The following TAFA2 variants were observed in gnomAD, a reference collection of about 807,000 sequenced individuals.
The protein encoded by TAFA2 is chemokine-like protein TAFA-2.
In TAFA2, 7 loss-of-function variants were observed where a neutral mutation model predicts 18.8. The observed-to-expected ratio is 0.37, with a 90% CI of 0.21 to 0.70. TAFA2 has a LOEUF of 0.70. Among genes scored for constraint, TAFA2 ranks in the 30% least tolerant of loss-of-function variants. The pLI is 0.53. For synonymous variants in TAFA2, 60 were observed against 54.2 expected, an observed-to-expected ratio of 1.11 and a Z score of -0.47; for missense variants, 122 against 158.1, an observed-to-expected ratio of 0.77 and a Z score of 1.23.
intron 1 of TAFA2, among the ~76,000 whole-genome samples, chr12:62,014,905 A>G (rs1486121791): frequency 6.6e-6 from 1 of 151,840 alleles, no homozygotes; most frequent in African/African-American, 2.4e-5. Context: ...GCAACCTCCA[A>G]AAAAAAAGCC....
intron 1 of TAFA2, among the ~76,000 whole-genome samples, chr12:61,935,870 C>T (rs78561523): frequency 0.015 from 2,239 of 151,778 alleles, 40 homozygotes; most frequent in Non-Finnish European, 0.019. Context: ...AAAAAACTTA[C>T]CAAACAAAAA....
chr12:62,080,744 A>C (rs11174298), intron 1 of TAFA2, among the ~76,000 whole-genome samples: 16,182 of 152,216 alleles, frequency 0.11, 1,125 homozygotes, highest in South Asian at 0.23. Context: ...GTCATAAATA[A>C]AATATTTATA....
chr12:62,153,965 T>G (rs2062349967), intron 1 of TAFA2, among the ~76,000 whole-genome samples: 1 of 151,876 alleles, frequency 6.6e-6, no homozygotes, highest in Admixed American at 6.6e-5. Flanking sequence ...TGTTATGTTA[T>G]GTTATGTTAT....
At chr12:61,807,600 C>T (rs187244924) in intron 2 of TAFA2, among the ~76,000 whole-genome samples, 1 of 151,438 alleles carries the variant, frequency 6.6e-6, no homozygotes, top group African/African-American at 2.5e-5. Flanking sequence ...GCACTGTGCA[C>T]CTGGAAAAGT....
intron 1 of TAFA2, among the ~76,000 whole-genome samples, chr12:62,221,220 A>AGGAAGGAAGGAAGGAAGGGG (rs2062760377): frequency 1.1e-5 from 1 of 92,130 alleles, no homozygotes; most frequent in Non-Finnish European, 2.3e-5. Flanking sequence ...GAAGGGGGGA[A>AGGAAGGAAGGAAGGAAGGGG]GGAAGGAAGG....
At chr12:62,127,387 A>G (rs1870507399) in intron 1 of TAFA2, among the ~76,000 whole-genome samples, 3 of 151,980 alleles carry the variant, frequency 2.0e-5, no homozygotes, top group South Asian at 4.1e-4. Context: ...TTTTGTAGAA[A>G]TTGGACTTAC....
At chr12:61,944,242 T>C (rs1878166790) in intron 1 of TAFA2, among the ~76,000 whole-genome samples, 1 of 150,328 alleles carries the variant, frequency 6.7e-6, no homozygotes, top group Non-Finnish European at 1.5e-5. Context: ...AATAAAGATG[T>C]TCTTTGAAAC....
chr12:61,712,311 T>A (rs1869448598), intron 4 of TAFA2, among the ~76,000 whole-genome samples: 1 of 152,154 alleles, frequency 6.6e-6, no homozygotes, highest in Non-Finnish European at 1.5e-5. Flanking sequence ...TCAAGCTAAA[T>A]ATTTGACTCT....
chr12:61,785,710 A>C (rs1870709537), intron 2 of TAFA2, among the ~76,000 whole-genome samples: 1 of 151,504 alleles, frequency 6.6e-6, no homozygotes, highest in Non-Finnish European at 1.5e-5. Flanking sequence ...CTACATGTTG[A>C]ATCTGAGACA....
intron 1 of TAFA2, among the ~76,000 whole-genome samples, chr12:62,123,781 TACAC>T (rs71083977): frequency 3.1e-4 from 41 of 132,924 alleles, no homozygotes; most frequent in South Asian, 2.1e-3. Flanking sequence ...ACCACACACA[TACAC>T]ACACACACAC....
chr12:61,738,192 C>G (rs184158011), intron 4 of TAFA2, among the ~76,000 whole-genome samples: 147 of 151,718 alleles, frequency 9.7e-4, no homozygotes, highest in Non-Finnish European at 1.8e-3. Context: ...ACTCAGCATT[C>G]AATAAACAAG....
chr12:62,035,733 CTTTTTTTTTT>C (rs34859628), intron 1 of TAFA2, among the ~76,000 whole-genome samples: 3 of 60,234 alleles, frequency 5.0e-5, no homozygotes, highest in African/African-American at 1.5e-4. Flanking sequence ...ATGATTCTTT[CTTTTTTTTTT>C]TTTTTTTTTT....
intron 1 of TAFA2, among the ~76,000 whole-genome samples, chr12:62,232,918 A>AATC (rs2062818176): frequency 1.3e-5 from 2 of 151,856 alleles, no homozygotes; most frequent in African/African-American, 4.8e-5. Context: ...TTTCTCCTCC[A>AATC]ATCACCACCC....
At chr12:61,730,753 G>T (rs1385935286) in intron 4 of TAFA2, among the ~76,000 whole-genome samples, 2 of 152,018 alleles carry the variant, frequency 1.3e-5, no homozygotes, top group South Asian at 2.1e-4. Context: ...TCTCATTCCT[G>T]CCATGCTCCC....
chr12:61,851,299 T>C (rs1175192549), intron 2 of TAFA2, among the ~76,000 whole-genome samples: 1 of 152,086 alleles, frequency 6.6e-6, no homozygotes, highest in Non-Finnish European at 1.5e-5. Flanking sequence ...TGAAGTTAGA[T>C]GGACAAATAA....
chr12:62,140,682 T>A (rs1036341698), intron 1 of TAFA2, among the ~76,000 whole-genome samples: 6 of 152,160 alleles, frequency 3.9e-5, no homozygotes, highest in Admixed American at 3.9e-4. Flanking sequence ...TCTGCTTGGT[T>A]TCTCAGGCAG....
At chr12:62,226,924 TCTC>T (rs1355244595) in intron 1 of TAFA2, among the ~76,000 whole-genome samples, 2 of 152,090 alleles carry the variant, frequency 1.3e-5, no homozygotes, top group African/African-American at 2.4e-5. Flanking sequence ...CTAAACCACT[TCTC>T]CTGCTGTGTA....
intron 1 of TAFA2, among the ~76,000 whole-genome samples, chr12:62,043,565 T>C (rs1387980047): frequency 1.3e-5 from 2 of 152,120 alleles, no homozygotes; most frequent in Non-Finnish European, 2.9e-5. Context: ...TATACATATG[T>C]AACAAACCTG....
chr12:62,147,547 G>A (rs1392667687), intron 1 of TAFA2, among the ~76,000 whole-genome samples: 3 of 149,820 alleles, frequency 2.0e-5, no homozygotes, highest in African/African-American at 7.3e-5. Context: ...GGCTAACACA[G>A]TGAACCCTTG....
Sources: allele counts gnomAD v4.1 joint callset (sites outside exome capture counted in the v4.1 genomes callset), GRCh38; gene constraint gnomAD v4.1.1; transcripts MANE v1.5; gene names NCBI Gene and HGNC (gene_info 2026-07-23, HGNC 2026-07-21).